The following CELF2 variants were observed in gnomAD, a reference collection of about 807,000 sequenced individuals.
CELF2 encodes the protein CUG triplet repeat RNA-binding protein 2.
Under a neutral mutation model 62.6 loss-of-function variants are expected in CELF2, and 8 were observed. The ratio of observed to expected loss-of-function variants is 0.13; its 90% CI spans 0.07 to 0.23. The LOEUF (loss-of-function observed/expected upper bound fraction) is 0.23. CELF2 is among the 10% of genes least tolerant of loss of function. CELF2 has a pLI of 1.00. For missense variants in CELF2, 333 were observed against 671.0 expected (o/e 0.50, Z 5.56); for synonymous variants, 258 against 250.0 (o/e 1.03, Z -0.30).
At chr10:11,299,071 C>T (rs919747045) in intron 9 of CELF2, among the ~76,000 whole-genome samples, 2 of 152,230 alleles carry the variant, frequency 1.3e-5, no homozygotes, top group Non-Finnish European at 2.9e-5. Flanking sequence ...GAACGGGGAA[C>T]TTTCTACCTA....
At chr10:11,095,448 C>T (rs528087871) in intron 1 of CELF2, among the ~76,000 whole-genome samples, 35 of 152,232 alleles carry the variant, frequency 2.3e-4, no homozygotes, top group Admixed American at 7.2e-4. Context: ...CCCCGGCATT[C>T]GGCATGTTTT....
At chr10:10,559,137 C>T in the CELF2 span, among the ~76,000 whole-genome samples, 10 of 152,062 alleles carry the variant, frequency 6.6e-5, no homozygotes, top group Admixed American at 1.3e-4. Flanking sequence ...GGGCACAGAG[C>T]GGGCAAATTT....
chr10:10,666,689 C>G, the CELF2 span, among the ~76,000 whole-genome samples: 6 of 125,348 alleles, frequency 4.8e-5, 1 homozygote, highest in Non-Finnish European at 9.8e-5. Context: ...GGTGAAACCC[C>G]GTCTCTACTA....
chr10:10,714,782 T>C, the CELF2 span, among the ~76,000 whole-genome samples: 351 of 152,252 alleles, frequency 2.3e-3, 1 homozygote, highest in African/African-American at 8.2e-3. Flanking sequence ...TACGGTTGAA[T>C]TGACAAATAA....
chr10:10,747,063 C>G, the CELF2 span, among the ~76,000 whole-genome samples: 4 of 152,192 alleles, frequency 2.6e-5, no homozygotes, highest in African/African-American at 9.7e-5. Flanking sequence ...ATTTGTTAAA[C>G]AGTCATCAAG....
the CELF2 span, among the ~76,000 whole-genome samples, chr10:10,592,133 A>C: frequency 4.6e-5 from 7 of 152,200 alleles, no homozygotes; most frequent in African/African-American, 1.7e-4. Flanking sequence ...ACCTTTCAAC[A>C]TAGTCAATGA....
At chr10:10,853,698 GGA>G (rs2059534525) in intron 1 of CELF2, among the ~76,000 whole-genome samples, 1 of 151,916 alleles carries the variant, frequency 6.6e-6, no homozygotes. Flanking sequence ...CTGGCCACAT[GGA>G]GATCTTGAGA....
intron 9 of CELF2, among the ~76,000 whole-genome samples, chr10:11,291,229 A>G (rs140361285): frequency 6.6e-6 from 1 of 152,220 alleles, no homozygotes; most frequent in East Asian, 1.9e-4. Context: ...AGACAAATTC[A>G]TCTGGAAAGC....
At chr10:11,155,845 C>A (rs1161282607) in intron 1 of CELF2, among the ~76,000 whole-genome samples, 2 of 152,198 alleles carry the variant, frequency 1.3e-5, no homozygotes, top group Non-Finnish European at 2.9e-5. Flanking sequence ...CCTTCCTTAG[C>A]CTGGCGTTTC....
chr10:10,833,013 C>CTGTGTGTGTGTGTGTGTGTGTGTG (rs71378768), intron 1 of CELF2, among the ~76,000 whole-genome samples: 3 of 144,508 alleles, frequency 2.1e-5, no homozygotes, highest in East Asian at 4.1e-4. Flanking sequence ...ACAGAAAACT[C>CTGTGTGTGTGTGTGTGTGTGTGTG]TGTGTGTGTG....
intron 1 of CELF2, chr10:11,018,702 G>C (rs1268551448): frequency 6.5e-6 from 1 of 153,132 alleles, no homozygotes; most frequent in Non-Finnish European, 1.5e-5. Context: ...GCGGGGACCG[G>C]CGAGCGGGCA....
At chr10:10,539,402 G>A in the CELF2 span, among the ~76,000 whole-genome samples, 1 of 152,124 alleles carries the variant, frequency 6.6e-6, no homozygotes, top group Non-Finnish European at 1.5e-5. Context: ...ATTAAACTTA[G>A]GGAGAATCTC....
At chr10:10,996,433 G>C (rs1020513481) in intron 2 of CELF2, among the ~76,000 whole-genome samples, 1 of 152,202 alleles carries the variant, frequency 6.6e-6, no homozygotes, top group Non-Finnish European at 1.5e-5. Flanking sequence ...GTCTTCCTCT[G>C]TCCCCGCCTC....
the CELF2 span, among the ~76,000 whole-genome samples, chr10:10,464,175 A>T: frequency 6.6e-6 from 1 of 152,264 alleles, no homozygotes; most frequent in Admixed American, 6.5e-5. Flanking sequence ...AGACCTTAGA[A>T]CATTACAAAG....
At chr10:10,872,597 T>A (rs944619592) in intron 1 of CELF2, among the ~76,000 whole-genome samples, 13 of 151,650 alleles carry the variant, frequency 8.6e-5, no homozygotes, top group African/African-American at 2.7e-4. Context: ...TCTAGACAGA[T>A]AACAATGCAA....
intron 2 of CELF2, among the ~76,000 whole-genome samples, chr10:10,978,533 A>T (rs1041940197): frequency 6.6e-6 from 1 of 152,206 alleles, no homozygotes; most frequent in African/African-American, 2.4e-5. Flanking sequence ...CATCAAGGTG[A>T]TAGGAGATTG....
At chr10:11,236,833 C>T (rs967163892) in intron 3 of CELF2, among the ~76,000 whole-genome samples, 12 of 152,084 alleles carry the variant, frequency 7.9e-5, no homozygotes, top group Non-Finnish European at 1.3e-4. Flanking sequence ...GTCATTGTGC[C>T]GTTGTGTGGA....
chr10:10,998,194 G>A (rs1014310638), intron 2 of CELF2, among the ~76,000 whole-genome samples: 15 of 152,140 alleles, frequency 9.9e-5, no homozygotes, highest in Non-Finnish European at 1.9e-4. Context: ...CATTAGCAGC[G>A]TGAGAACAGG....
intron 2 of CELF2, among the ~76,000 whole-genome samples, chr10:10,921,097 G>A (rs1033212101): frequency 1.3e-5 from 2 of 152,020 alleles, no homozygotes; most frequent in African/African-American, 2.4e-5. Flanking sequence ...TGGGATTACA[G>A]GAGACTGCCA....
Sources: gnomAD v4.1 joint callset for allele counts (sites outside exome capture counted in the v4.1 genomes callset) on GRCh38, gnomAD v4.1.1 for gene constraint, MANE v1.5 for transcripts, NCBI Gene and HGNC (gene_info 2026-07-23, HGNC 2026-07-21) for gene names.